Variants in SLC39A11 observed in about 807,000 individuals in gnomAD.
The protein encoded by SLC39A11 is solute carrier family 39 member 11.
Under a neutral mutation model 36.1 loss-of-function variants are expected in SLC39A11, and 33 were observed. That is an observed-to-expected ratio of 0.91 (90% CI 0.69 to 1.22). The LOEUF (loss-of-function observed/expected upper bound fraction) is 1.22, where lower values mean the gene tolerates loss of function less well. Among genes scored for constraint, SLC39A11 ranks in the 50% most tolerant of loss-of-function variants. The pLI, the probability that SLC39A11 is intolerant of heterozygous loss-of-function variation, is 0.00. For missense variants in SLC39A11, 432 were observed against 430.3 expected (o/e 1.00, Z -0.03); for synonymous variants, 166 against 170.3 (o/e 0.97, Z 0.20).
At chr17:72,934,626 A>C (rs1040691225) in intron 5 of SLC39A11, among the ~76,000 whole-genome samples, 2 of 152,186 alleles carry the variant, frequency 1.3e-5, no homozygotes, top group Admixed American at 1.3e-4. Context: ...AGATTGCGCC[A>C]CTGCACTCCA....
rs979733753 is a variant in SLC39A11, at chr17:73,059,060, G to T, written c.147+25748C>A. 3.3e-5 allele frequency among the ~76,000 whole-genome samples: 5 copies of T among 152,124 alleles called. No individual in the cohort carries two copies. The South Asian group carries it at 8.3e-4, about 25-fold the overall frequency. ...TTTTGCAGCAATTTGGAATTTTAAA[G>T]TAATAGATATTTATAAAATGTCTGA... On this transcript the variant is annotated intron_variant, in intron 3 of 9. Transcript: ENST00000255559.
Position 73,079,158 on chromosome 17 carries a change from T to C in SLC39A11, c.147+5650A>G, listed in dbSNP as rs141627723. 1.8e-4 allele frequency among the ~76,000 whole-genome samples: 27 copies of C among 152,208 alleles called. No individual in the cohort carries two copies. The East Asian group carries it at 5.2e-3, about 29-fold the overall frequency. Reference sequence around the variant, plus strand: ...GCCCAGGCTGGAGTGCAAGGGTGCATGCAATCTTGGCTCACTGCAACCTCT... The same window carrying C: ...GCCCAGGCTGGAGTGCAAGGGTGCACGCAATCTTGGCTCACTGCAACCTCT... On this transcript the variant is annotated intron_variant, in intron 3 of 9. Coordinates refer to ENST00000255559, the MANE Select transcript of SLC39A11 (RefSeq NM_139177.4).
intron 6 of SLC39A11, among the ~76,000 whole-genome samples, chr17:72,838,544 T>G (rs1466317584): frequency 1.3e-5 from 2 of 152,164 alleles, no homozygotes; most frequent in Non-Finnish European, 2.9e-5. Context: ...ATTGTGAACT[T>G]TAAAAGGGTG....
intron 5 of SLC39A11, among the ~76,000 whole-genome samples, chr17:72,866,468 A>G (rs933522845): frequency 5.9e-5 from 9 of 152,176 alleles, no homozygotes; most frequent in African/African-American, 2.2e-4. Flanking sequence ...ACCATCCCCC[A>G]CAACCCCCAG....
intron 5 of SLC39A11, among the ~76,000 whole-genome samples, chr17:72,853,189 AT>A (rs774708211): frequency 3.4e-4 from 41 of 122,248 alleles, no homozygotes; most frequent in African/African-American, 5.1e-4. Flanking sequence ...TAACTTTTGT[AT>A]TTTTTTTTTT....
Position 72,668,980 on chromosome 17 carries a change from A to C in SLC39A11, c.672-19712T>G, listed in dbSNP as rs1598288440. 3.3e-5 allele frequency among the ~76,000 whole-genome samples: 5 copies of C among 152,370 alleles called. No homozygotes were observed. In the South Asian group the frequency reaches 6.2e-4, roughly 19 times the overall value. On this transcript the variant is annotated intron_variant, in intron 7 of 9. Transcript: ENST00000255559. ...CAAAGCAAACAAATAAAACGATACA[A>C]GGGAAACACATAAAACAATAGCAAC...
Position 72,849,818 on chromosome 17 carries a change from A to G in SLC39A11, c.431-14T>C, listed in dbSNP as rs1320995351. 2.0e-6 allele frequency: 3 copies of G among 1,520,008 alleles called. No homozygotes were observed. Among genetic ancestry groups the G allele is most frequent in the Non-Finnish European group, 2.6e-6 (3 of 1,137,858 alleles). 94.2% of individuals were successfully genotyped at this position (1,520,008 alleles called of 1,614,324 possible). A position where few individuals can be genotyped will look rare whatever the true frequency, so the allele number is the denominator to read the frequency against. On this transcript the variant is annotated splice_polypyrimidine_tract_variant and intron_variant, in intron 5 of 9. Transcript: ENST00000255559. ...TCTCACTCTTGTCTGAGCAAAAAAA[A>G]AAAAAAAGAGAGATGGGGAAAGACA... is the stretch of plus-strand genomic sequence containing the variant.
At chr17:73,033,869 C>T (rs2058819266) in intron 3 of SLC39A11, among the ~76,000 whole-genome samples, 1 of 152,168 alleles carries the variant, frequency 6.6e-6, no homozygotes, top group Admixed American at 6.5e-5. Context: ...TCCATAAATT[C>T]CCTTCTTCCA....
intron 7 of SLC39A11, among the ~76,000 whole-genome samples, chr17:72,683,620 G>T (rs533855633): frequency 6.6e-6 from 1 of 152,090 alleles, no homozygotes; most frequent in South Asian, 2.1e-4. Flanking sequence ...GAGCCACTGC[G>T]CCTGGCCTGA....
At chr17:72,808,452 T>G (rs562942285) in intron 6 of SLC39A11, among the ~76,000 whole-genome samples, 1 of 152,334 alleles carries the variant, frequency 6.6e-6, no homozygotes, top group African/African-American at 2.4e-5. Context: ...ACTGATCCCC[T>G]TCCTGTTCAG....
chr17:72,830,167 C>A (rs2078218266), intron 6 of SLC39A11, among the ~76,000 whole-genome samples: 1 of 152,164 alleles, frequency 6.6e-6, no homozygotes, highest in Non-Finnish European at 1.5e-5. Context: ...AAAATTGCTA[C>A]CACTGATAAA....
At chr17:73,077,680 T>C (rs1427019761) in intron 3 of SLC39A11, among the ~76,000 whole-genome samples, 3 of 152,178 alleles carry the variant, frequency 2.0e-5, no homozygotes, top group African/African-American at 2.4e-5. Flanking sequence ...TACACACACA[T>C]AATCTTTAGA....
At chr17:73,056,943 C>A (rs2059688278) in intron 3 of SLC39A11, among the ~76,000 whole-genome samples, 1 of 152,178 alleles carries the variant, frequency 6.6e-6, no homozygotes, top group South Asian at 2.1e-4. Context: ...CAAAACACCC[C>A]AAAAAACAAT....
At chr17:72,867,282 T>C (rs973536052) in intron 5 of SLC39A11, among the ~76,000 whole-genome samples, 10 of 152,088 alleles carry the variant, frequency 6.6e-5, no homozygotes, top group African/African-American at 2.2e-4. Context: ...GGCAGCTCAC[T>C]TGGGGTCAGG....
chr17:72,935,799 G>T (rs2084706188), intron 5 of SLC39A11, among the ~76,000 whole-genome samples: 1 of 151,866 alleles, frequency 6.6e-6, no homozygotes, highest in Admixed American at 6.5e-5. Flanking sequence ...TGGCCAGGCT[G>T]GTCTTGAACT....
chr17:73,058,295 C>A (rs1045312028), intron 3 of SLC39A11, among the ~76,000 whole-genome samples: 1 of 152,076 alleles, frequency 6.6e-6, no homozygotes. Flanking sequence ...CTGATTTAAC[C>A]CCCTTGCTAG....
chr17:72,889,147 A>G (rs1365696082), intron 5 of SLC39A11, among the ~76,000 whole-genome samples: 2 of 152,212 alleles, frequency 1.3e-5, no homozygotes, highest in Non-Finnish European at 2.9e-5. Flanking sequence ...TGGATACCAA[A>G]TATCTATTAG....
intron 7 of SLC39A11, among the ~76,000 whole-genome samples, chr17:72,656,586 T>C (rs2070132752): frequency 6.6e-6 from 1 of 151,874 alleles, no homozygotes. Context: ...GGATGACTCC[T>C]GGGGTTGGGC....
intron 6 of SLC39A11, among the ~76,000 whole-genome samples, chr17:72,749,361 C>T (rs371131494): frequency 1.9e-3 from 282 of 152,278 alleles, no homozygotes; most frequent in African/African-American, 6.6e-3. Context: ...CCTCTCCCTA[C>T]GTCCAAAGTC....
Sources: allele counts gnomAD v4.1 joint callset (sites outside exome capture counted in the v4.1 genomes callset), GRCh38; gene constraint gnomAD v4.1.1; transcripts MANE v1.5; gene names NCBI Gene and HGNC (gene_info 2026-07-23, HGNC 2026-07-21).